The following TAF4 variants were observed in gnomAD, a reference collection of about 807,000 sequenced individuals.
The protein encoded by TAF4 is TATA-box binding protein associated factor 4, also known as transcription initiation factor TFIID subunit 4.
In TAF4, 9 loss-of-function variants were observed where a neutral mutation model predicts 90.3. The observed-to-expected ratio is 0.10, with a 90% CI of 0.06 to 0.17. The LOEUF (loss-of-function observed/expected upper bound fraction) is 0.17, where lower values mean the gene tolerates loss of function less well. TAF4 is among the 10% of genes least tolerant of loss of function. The probability of loss-of-function intolerance (pLI) is 1.00; values close to 1 mark genes in which losing one functional copy is unlikely to be tolerated. For missense variants in TAF4, 1,351 were observed against 1,370.7 expected (o/e 0.99, Z 0.23); for synonymous variants, 818 against 638.9 (o/e 1.28, Z -4.23).
chr20:62,028,290 G>A (rs906129651), intron 1 of TAF4, among the ~76,000 whole-genome samples: 1 of 152,174 alleles, frequency 6.6e-6, no homozygotes, highest in African/African-American at 2.4e-5. Context: ...TCCTTGAATT[G>A]AATTCTCTTT....
rs1434859428 is a variant in TAF4 at position 62,064,868 on chromosome 20, G to A, written c.943C>T (p.Pro315Ser). The change falls in exon 1 of 15, where the codon CCC becomes TCC. Residue 315 changes from proline (P) to serine (S), a missense_variant. By Grantham distance (74) the Pro-to-Ser change is moderately conservative. Coordinates refer to ENST00000252996, the MANE Select transcript of TAF4 (RefSeq NM_003185.4). ...GCGGGGCCCCCGGCGGCCGGGGCGG[G>A]GGCGGGGGCTGCCCCGGCGCTGCCC... is the stretch of plus-strand genomic sequence containing the variant. ...NGGSAGAAPA[P>S]APAAGGPAGV... The A allele has an allele frequency of 2.1e-6, 2 of 939,508 alleles. No homozygotes were observed. Among genetic ancestry groups the A allele is most frequent in the Non-Finnish European group, 2.5e-6 (2 of 793,482 alleles). The allele number at this position is 939,508 out of a possible 1,614,324, so 58.2% of individuals were successfully genotyped here.
chr20:61,979,731 G>T (rs868050990), intron 14 of TAF4, among the ~76,000 whole-genome samples: 1 of 121,914 alleles, frequency 8.2e-6, no homozygotes. Flanking sequence ...TGCAGGCGCG[G>T]TGGCCACTCC....
chr20:61,989,203 G>A (rs924298203), intron 14 of TAF4, among the ~76,000 whole-genome samples: 1 of 152,042 alleles, frequency 6.6e-6, no homozygotes, highest in Non-Finnish European at 1.5e-5. Flanking sequence ...TTTGGGTCCC[G>A]AGCTCTGGCT....
At chr20:62,011,869 C>T (rs925564664) in intron 3 of TAF4, among the ~76,000 whole-genome samples, 7 of 152,220 alleles carry the variant, frequency 4.6e-5, no homozygotes, top group Non-Finnish European at 2.9e-5. Flanking sequence ...TGCTCACAGA[C>T]ACCAGGTGAC....
intron 1 of TAF4, among the ~76,000 whole-genome samples, chr20:62,019,717 CCA>C (rs1464309581): frequency 1.3e-5 from 2 of 152,218 alleles, no homozygotes; most frequent in Non-Finnish European, 2.9e-5. Flanking sequence ...CCACCGATTC[CCA>C]CAGTGTGAGT....
chr20:62,000,328 C>A (rs1288988946), intron 10 of TAF4, 74 bp from the exon 11 acceptor site: 14 of 1,559,032 alleles, frequency 9.0e-6, no homozygotes, highest in South Asian at 1.2e-5. Context: ...AATCTCTGAT[C>A]CAGCAGTTAC....
At position 62,064,831 on chromosome 20, in the gene TAF4, C is replaced by A. The variant is rs1303759380; in HGVS notation, c.980G>T (p.Gly327Val). 1.0e-6 allele frequency: 1 copy of A among 972,552 alleles called. No homozygotes were observed. Among genetic ancestry groups the A allele is most frequent in the African/African-American group, 1.8e-5 (1 of 55,408 alleles). 60.2% of individuals were successfully genotyped at this position (972,552 alleles called of 1,614,324 possible). A position where few individuals can be genotyped will look rare whatever the true frequency, so the allele number is the denominator to read the frequency against. The change falls in exon 1 of 15, where the codon GGC becomes GTC. Residue 327 changes from glycine to valine, a missense_variant. By Grantham distance (109) the Gly-to-Val change is moderately radical. This residue lies in a region of TAF4 where 782 missense variants were observed against 536.6 expected (regional missense o/e 1.46). Coordinates refer to ENST00000252996, the MANE Select transcript of TAF4 (RefSeq NM_003185.4). ...PAAGGPAGVS[G>V]QPGPGAAAAA... is the part of the protein sequence containing the mutation. ...AGCCGCCGCGCCGGGCCCGGGTTGG[C>A]CGCTGACCCCCGCGGGGCCCCCGGC...
chr20:62,006,343 C>T lies in TAF4; in HGVS notation c.2223+167G>A. 1 of 973,592 alleles carries T rather than the reference C, an allele frequency of 1.0e-6. No individual in the cohort carries two copies. 60.3% of individuals were successfully genotyped at this position (973,592 alleles called of 1,614,324 possible). ...AAAATACAACATCCCAGGGCCTCAA[C>T]CTCTGGTTTCTATTTTAACTATTTA... On this transcript the variant is annotated intron_variant, in intron 7 of 14. Transcript: ENST00000252996. The surrounding 1 kb of genome is among the most constrained non-coding windows in gnomAD (Gnocchi z 7.0).
At chr20:61,982,192 AC>A (rs2055549583) in intron 14 of TAF4, among the ~76,000 whole-genome samples, 1 of 54,222 alleles carries the variant, frequency 1.8e-5, no homozygotes, top group African/African-American at 7.2e-5. Context: ...CACCAAACCC[AC>A]ACCCCACCCG....
intron 1 of TAF4, among the ~76,000 whole-genome samples, chr20:62,051,051 C>T (rs1001914033): frequency 6.6e-6 from 1 of 152,206 alleles, no homozygotes; most frequent in Admixed American, 6.5e-5. Context: ...CGAAAAGTTA[C>T]AAGGAGGTTC....
At chr20:62,021,336 A>G (rs534131545) in intron 1 of TAF4, among the ~76,000 whole-genome samples, 1 of 152,258 alleles carries the variant, frequency 6.6e-6, no homozygotes, top group Non-Finnish European at 1.5e-5. Flanking sequence ...ACTCTCAAGG[A>G]TGAAGCAGAA....
chr20:62,065,297 GGCCGGC>G lies in TAF4; in HGVS notation c.508_513del (p.Ala170_Gly171del). 1 of 922,512 alleles carries G rather than the reference GGCCGGC, an allele frequency of 1.1e-6. No individual in the cohort carries two copies. Among genetic ancestry groups the G allele is most frequent in the Non-Finnish European group, 1.3e-6 (1 of 780,986 alleles). The allele number at this position is 922,512 out of a possible 1,614,324, so 57.1% of individuals were successfully genotyped here. ...GGGCCGGGGCCGGGCCCGGGGCCGG[GGCCGGC>G]GCGGGCGGCCAGCGCGGCGGGGCCG... is the stretch of plus-strand genomic sequence containing the variant. On this transcript the variant is annotated inframe_deletion, in exon 1 of 15. Transcript: ENST00000252996.
intron 1 of TAF4, among the ~76,000 whole-genome samples, chr20:62,053,042 C>T (rs572845519): frequency 3.9e-4 from 59 of 152,252 alleles, no homozygotes; most frequent in African/African-American, 1.4e-3. Context: ...GCAGCCCTTC[C>T]CACACAGGAA....
chr20:61,983,894 A>G (rs1013570104), intron 14 of TAF4, among the ~76,000 whole-genome samples: 11 of 152,198 alleles, frequency 7.2e-5, no homozygotes, highest in African/African-American at 2.2e-4. Context: ...GGGGGACAAG[A>G]AAGACACCCA....
chr20:62,049,034 C>A (rs1320444760), intron 1 of TAF4, among the ~76,000 whole-genome samples: 1 of 145,940 alleles, frequency 6.9e-6, no homozygotes, highest in East Asian at 2.1e-4. Context: ...GCTCCATCCC[C>A]CCTCCCCCAG....
At chr20:62,008,354 T>C (rs2055759283) in intron 5 of TAF4, among the ~76,000 whole-genome samples, 1 of 152,234 alleles carries the variant, frequency 6.6e-6, no homozygotes, top group Middle Eastern at 3.4e-3. Context: ...GCCATCCCAC[T>C]GACGCCAGCA....
rs375920977 is a variant in TAF4 at position 61,999,079 on chromosome 20, G to A, written c.2817C>T (p.Asp939=). The A allele has an allele frequency of 3.8e-5, 61 of 1,613,956 alleles. No homozygotes were observed. Among genetic ancestry groups the A allele is most frequent in the East Asian group, 2.5e-4 (11 of 44,896 alleles). ...KDDDRYEQAS[D]VRAQLKFFEQ... ...CAAAAAACTTGAGCTGTGCCCGGAC[G>A]TCACTCGCCTGCTCATATCTGTCGT... The change falls in exon 12 of 15, where the codon GAC becomes GAT. Residue 939 remains aspartate (D), a synonymous_variant. Transcript: ENST00000252996.
intron 1 of TAF4, among the ~76,000 whole-genome samples, chr20:62,022,459 G>A (rs537749388): frequency 3.9e-5 from 6 of 152,306 alleles, no homozygotes; most frequent in African/African-American, 9.6e-5. Flanking sequence ...GGAAAGGGGT[G>A]GTCTGAAGCC....
chr20:62,003,396 CA>C, intron 8 of TAF4, 122 bp from the exon 9 acceptor site: 1 of 788,532 alleles, frequency 1.3e-6, no homozygotes, highest in South Asian at 1.7e-5. Flanking sequence ...AGAAAGTTTC[CA>C]AAAACTTCAT....
Sources: allele counts gnomAD v4.1 joint callset (sites outside exome capture counted in the v4.1 genomes callset), GRCh38; gene constraint gnomAD v4.1.1; regional missense constraint gnomAD v4.1.1; non-coding constraint Gnocchi (gnomAD v3.1); transcripts MANE v1.5; gene names NCBI Gene and HGNC (gene_info 2026-07-23, HGNC 2026-07-21).